Variants in RAD54L2 observed in about 807,000 individuals in gnomAD.
RAD54L2 encodes the protein RAD54 like 2.
A neutral mutation model predicts 138.4 loss-of-function variants in RAD54L2; 27 were observed. The observed-to-expected ratio is 0.20, with a 90% CI of 0.14 to 0.27. The LOEUF is 0.27. RAD54L2 is among the 10% of genes least tolerant of loss of function. The probability of loss-of-function intolerance (pLI) is 1.00; values close to 1 mark genes in which losing one functional copy is unlikely to be tolerated. For missense variants in RAD54L2, 1,396 were observed against 1,890.2 expected (o/e 0.74, Z 4.85); for synonymous variants, 644 against 723.2 (o/e 0.89, Z 1.76).
At chr3:51,641,312 A>AC (rs1701129043) in intron 14 of RAD54L2, among the ~76,000 whole-genome samples, 1 of 112,202 alleles carries the variant, frequency 8.9e-6, no homozygotes, top group Non-Finnish European at 1.8e-5. Context: ...ACCTAGAGTT[A>AC]CCCCCTTTTT....
intron 3 of RAD54L2, among the ~76,000 whole-genome samples, chr3:51,594,595 T>G (rs974837475): frequency 7.2e-5 from 11 of 152,190 alleles, no homozygotes; most frequent in African/African-American, 2.7e-4. Context: ...GTGTTTGCTT[T>G]CTTTCCTAGT....
At chr3:51,546,913 C>T (rs1698712032) in intron 2 of RAD54L2, among the ~76,000 whole-genome samples, 1 of 152,020 alleles carries the variant, frequency 6.6e-6, no homozygotes, top group Non-Finnish European at 1.5e-5. Flanking sequence ...CCTGTAGTCC[C>T]AGCTACTTGG....
At chr3:51,590,051 CG>C (rs1351115817) in intron 2 of RAD54L2, among the ~76,000 whole-genome samples, 2 of 152,216 alleles carry the variant, frequency 1.3e-5, no homozygotes, top group Admixed American at 1.3e-4. Context: ...AATGCAGTGG[CG>C]CCATCTTGGC....
chr3:51,601,342 A>G (rs1381561205), intron 3 of RAD54L2, among the ~76,000 whole-genome samples: 2 of 130,704 alleles, frequency 1.5e-5, no homozygotes, highest in South Asian at 2.4e-4. Flanking sequence ...GAGTCTCGCT[A>G]TGTCCCCCAG....
chr3:51,556,909 G>C (rs983227418), intron 2 of RAD54L2, among the ~76,000 whole-genome samples: 2 of 151,916 alleles, frequency 1.3e-5, no homozygotes, highest in Non-Finnish European at 2.9e-5. Flanking sequence ...TGTCTGGCTT[G>C]GTCCTGCATT....
intron 2 of RAD54L2, among the ~76,000 whole-genome samples, chr3:51,587,527 A>G (rs544365976): frequency 7.2e-5 from 11 of 152,280 alleles, no homozygotes; most frequent in Non-Finnish European, 7.4e-5. Context: ...CCCTTTGCAG[A>G]TGTTTTTGGA....
chr3:51,629,969 A>G (rs1445372977), intron 5 of RAD54L2, among the ~76,000 whole-genome samples: 1 of 152,242 alleles, frequency 6.6e-6, no homozygotes, highest in African/African-American at 2.4e-5. Flanking sequence ...TTAAAAAGCT[A>G]AAATGAATAA....
chr3:51,560,786 T>C (rs1232544251), intron 2 of RAD54L2, among the ~76,000 whole-genome samples: 1 of 152,210 alleles, frequency 6.6e-6, no homozygotes, highest in Non-Finnish European at 1.5e-5. Context: ...TTGAATACAA[T>C]GTGCTAAATA....
intron 2 of RAD54L2, among the ~76,000 whole-genome samples, chr3:51,577,499 T>C (rs530795302): frequency 6.6e-6 from 1 of 152,334 alleles, no homozygotes; most frequent in African/African-American, 2.4e-5. Context: ...TTTAGGTCTC[T>C]AAGGACTTGC....
chr3:51,588,428 G>A (rs1471383641), intron 2 of RAD54L2, among the ~76,000 whole-genome samples: 8 of 150,602 alleles, frequency 5.3e-5, no homozygotes, highest in Non-Finnish European at 7.4e-5. Context: ...CCAGCTACTC[G>A]GGAGGCTGAG....
chr3:51,543,986 A>G (rs1194832820), intron 2 of RAD54L2, among the ~76,000 whole-genome samples: 2 of 152,114 alleles, frequency 1.3e-5, no homozygotes, highest in Non-Finnish European at 2.9e-5. Context: ...TTTTATAATC[A>G]TACTGTCCTG....
At chr3:51,555,215 AT>A (rs1230858124) in intron 2 of RAD54L2, among the ~76,000 whole-genome samples, 1 of 152,112 alleles carries the variant, frequency 6.6e-6, no homozygotes, top group East Asian at 1.9e-4. Context: ...TTAATCTGTG[AT>A]ATGTAAAGCC....
At chr3:51,563,780 ACT>A (rs990518274) in intron 2 of RAD54L2, among the ~76,000 whole-genome samples, 1 of 152,076 alleles carries the variant, frequency 6.6e-6, no homozygotes, top group Non-Finnish European at 1.5e-5. Flanking sequence ...GAAAGTGTTG[ACT>A]CTCACTGACA....
At chr3:51,595,866 CA>C (rs1699946923) in intron 3 of RAD54L2, among the ~76,000 whole-genome samples, 1 of 150,904 alleles carries the variant, frequency 6.6e-6, no homozygotes, top group Non-Finnish European at 1.5e-5. Context: ...GGTAGGGGTT[CA>C]AAATGTGATA....
chr3:51,656,309 A>G (rs908597673), intron 20 of RAD54L2, 139 bp downstream of exon 20: 3 of 754,106 alleles, frequency 4.0e-6, no homozygotes, highest in African/African-American at 1.8e-5. Flanking sequence ...AGGGAAGACA[A>G]CAGTCCCTGG....
Position 51,657,605 on chromosome 3 carries a change from C to A in RAD54L2, c.3252C>A (p.Ser1084Arg). Residue 1084 changes from serine (S) to arginine (R), a missense_variant, in exon 21 of 23, where the codon AGC becomes AGA. Ser to Arg is a moderately radical substitution (Grantham distance 110). This residue lies in a region of RAD54L2 where 634 missense variants were observed against 711.2 expected (regional missense o/e 0.89). Coordinates refer to ENST00000684192, the MANE Select transcript of RAD54L2 (RefSeq NM_015106.4). ...TTDIVIPGLN[S>R]STDVQARINA... is the part of the protein sequence containing the mutation. ...ATATTGTTATTCCTGGACTCAACAG[C>A]TCCACAGATGTACAGGCAAGAATTA... 6.3e-7 allele frequency: 1 copy of A among 1,581,902 alleles called. No individual in the cohort carries two copies. Among genetic ancestry groups the A allele is most frequent in the Non-Finnish European group, 8.6e-7 (1 of 1,160,904 alleles).
At chr3:51,617,571 A>C (rs977710466) in intron 3 of RAD54L2, among the ~76,000 whole-genome samples, 43 of 152,068 alleles carry the variant, frequency 2.8e-4, no homozygotes, top group African/African-American at 9.9e-4. Flanking sequence ...ACTGAATTGC[A>C]AGAGTTTTAG....
At chr3:51,554,217 A>G (rs1252325422) in intron 2 of RAD54L2, among the ~76,000 whole-genome samples, 1 of 152,100 alleles carries the variant, frequency 6.6e-6, no homozygotes, top group African/African-American at 2.4e-5. Context: ...AAATACAAAA[A>G]TTAGCCGGGT....
intron 2 of RAD54L2, among the ~76,000 whole-genome samples, chr3:51,575,504 T>G (rs1436067438): frequency 6.6e-6 from 1 of 152,230 alleles, no homozygotes; most frequent in Non-Finnish European, 1.5e-5. Flanking sequence ...TCCATTTGTT[T>G]GTGTCCTCTT....
Sources: gnomAD v4.1 joint callset for allele counts (sites outside exome capture counted in the v4.1 genomes callset) on GRCh38, gnomAD v4.1.1 for gene constraint, gnomAD v4.1.1 regional missense constraint, MANE v1.5 for transcripts, NCBI Gene and HGNC (gene_info 2026-07-23, HGNC 2026-07-21) for gene names.